The following CTNNA3 variants were observed in gnomAD, a reference collection of about 807,000 sequenced individuals.
CTNNA3 encodes the protein catenin alpha-3.
In CTNNA3, 76 loss-of-function variants were observed where a neutral mutation model predicts 95.7. That is an observed-to-expected ratio of 0.79 (90% CI 0.66 to 0.96). The LOEUF is 0.96. CTNNA3 is among the 40% of genes least tolerant of loss of function. The pLI is 0.00. For synonymous variants in CTNNA3, 431 were observed against 374.4 expected (o/e 1.15, Z -1.74); for missense variants, 1,191 against 1,089.8 (o/e 1.09, Z -1.31).
intron 7 of CTNNA3, among the ~76,000 whole-genome samples, chr10:67,091,997 A>T (rs1321950499): frequency 2.0e-5 from 3 of 152,010 alleles, no homozygotes; most frequent in Admixed American, 6.6e-5. Context: ...CTCAACTGAA[A>T]ACCCCTTAAG....
chr10:66,289,024 A>G (rs1446617563), intron 12 of CTNNA3, among the ~76,000 whole-genome samples: 4 of 152,040 alleles, frequency 2.6e-5, no homozygotes, highest in African/African-American at 4.8e-5. Flanking sequence ...TCTTTGCCAT[A>G]TTAATTGTGT....
intron 10 of CTNNA3, among the ~76,000 whole-genome samples, chr10:66,569,441 G>T (rs1842804281): frequency 6.6e-6 from 1 of 152,060 alleles, no homozygotes; most frequent in Non-Finnish European, 1.5e-5. Flanking sequence ...ATATGCAACA[G>T]ATATACTTTG....
chr10:66,271,838 C>G (rs1276553789), intron 13 of CTNNA3, among the ~76,000 whole-genome samples: 1 of 152,206 alleles, frequency 6.6e-6, no homozygotes, highest in Non-Finnish European at 1.5e-5. Flanking sequence ...GAACATCTTT[C>G]TCTCAGAATG....
At chr10:66,156,876 A>G (rs1255213132) in intron 13 of CTNNA3, among the ~76,000 whole-genome samples, 2 of 151,876 alleles carry the variant, frequency 1.3e-5, no homozygotes, top group Admixed American at 6.6e-5. Context: ...GGGATCATGT[A>G]TAATTTTGAA....
At chr10:67,728,195 T>C (rs567036771) in intron 1 of CTNNA3, among the ~76,000 whole-genome samples, 1 of 148,394 alleles carries the variant, frequency 6.7e-6, no homozygotes, top group African/African-American at 2.5e-5. Context: ...GGCTCACACC[T>C]GTAATCCTAG....
At chr10:67,067,120 T>C (rs933802906) in intron 7 of CTNNA3, among the ~76,000 whole-genome samples, 1 of 152,226 alleles carries the variant, frequency 6.6e-6, no homozygotes, top group Non-Finnish European at 1.5e-5. Context: ...AGTCATTATG[T>C]ATTCATAAAT....
intron 13 of CTNNA3, among the ~76,000 whole-genome samples, chr10:66,195,566 G>A (rs900232813): frequency 6.6e-6 from 1 of 152,170 alleles, no homozygotes; most frequent in Non-Finnish European, 1.5e-5. Context: ...TAATAAACCA[G>A]GTGCTGCAAC....
chr10:67,107,286 A>G (rs567266025), intron 7 of CTNNA3, among the ~76,000 whole-genome samples: 1 of 152,172 alleles, frequency 6.6e-6, no homozygotes, highest in South Asian at 2.1e-4. Context: ...GCAAGCCTAC[A>G]TATTTCCCAC....
At position 66,571,755 on chromosome 10, in the gene CTNNA3, A is replaced by G. The variant is rs1351420652; in HGVS notation, c.1374+49937T>C. 2.0e-5 allele frequency among the ~76,000 whole-genome samples: 3 copies of G among 152,144 alleles called. No homozygotes were observed. In the East Asian group the frequency reaches 5.8e-4, roughly 29 times the overall value. On this transcript the variant is annotated intron_variant, in intron 10 of 17. Coordinates refer to ENST00000433211, the MANE Select transcript of CTNNA3 (RefSeq NM_013266.4). ...CATTTAACCCCATAGCGACCTTGTT[A>G]ACAGTGAGATAAATCTGTAATGACC...
chr10:67,340,525 A>T (rs957592869), intron 5 of CTNNA3, among the ~76,000 whole-genome samples: 1 of 152,200 alleles, frequency 6.6e-6, no homozygotes, highest in African/African-American at 2.4e-5. Context: ...TTTACTTAAG[A>T]CTAACAGGCA....
chr10:66,670,149 G>T (rs1218808574), intron 9 of CTNNA3, among the ~76,000 whole-genome samples: 1 of 151,990 alleles, frequency 6.6e-6, no homozygotes, highest in African/African-American at 2.4e-5. Context: ...GTCCACTATG[G>T]GGGGGATACG....
At chr10:67,077,947 A>G (rs1856819248) in intron 7 of CTNNA3, among the ~76,000 whole-genome samples, 2 of 152,186 alleles carry the variant, frequency 1.3e-5, no homozygotes, top group Admixed American at 1.3e-4. Context: ...TAAGTGATTT[A>G]CAACACAAAT....
chr10:67,484,493 A>C (rs377689923), intron 5 of CTNNA3, among the ~76,000 whole-genome samples: 2 of 152,242 alleles, frequency 1.3e-5, no homozygotes, highest in African/African-American at 4.8e-5. Context: ...TGCAAAGGAA[A>C]TTATCAACAG....
At chr10:66,108,417 C>A (rs1050049128) in intron 13 of CTNNA3, among the ~76,000 whole-genome samples, 5 of 151,970 alleles carry the variant, frequency 3.3e-5, no homozygotes, top group African/African-American at 1.2e-4. Context: ...TTTCTATTTA[C>A]CCCTTCTTGC....
chr10:66,861,053 T>TA (rs1843902844), intron 7 of CTNNA3, among the ~76,000 whole-genome samples: 2 of 152,196 alleles, frequency 1.3e-5, no homozygotes, highest in African/African-American at 4.8e-5. Flanking sequence ...CATGTCTTCT[T>TA]AAACATTCAT....
intron 13 of CTNNA3, among the ~76,000 whole-genome samples, chr10:66,248,465 A>T (rs904842373): frequency 5.3e-5 from 8 of 152,028 alleles, no homozygotes; most frequent in African/African-American, 1.4e-4. Context: ...AATAGATTTT[A>T]AAAAACCCAC....
chr10:66,559,444 T>A (rs547437614), intron 10 of CTNNA3, among the ~76,000 whole-genome samples: 4 of 151,848 alleles, frequency 2.6e-5, no homozygotes, highest in Admixed American at 6.6e-5. Context: ...GCAGCTTTTT[T>A]AAATTGTATC....
At chr10:67,081,346 A>C (rs774943398) in intron 7 of CTNNA3, among the ~76,000 whole-genome samples, 23 of 152,218 alleles carry the variant, frequency 1.5e-4, no homozygotes, top group Non-Finnish European at 2.2e-4. Flanking sequence ...TTTTTCAATC[A>C]ATCAGTAGTA....
At chr10:67,145,280 T>A (rs1860785592) in intron 7 of CTNNA3, among the ~76,000 whole-genome samples, 1 of 152,062 alleles carries the variant, frequency 6.6e-6, no homozygotes, top group Admixed American at 6.6e-5. Context: ...CACAGAAACA[T>A]GAAATGAGTA....
Sources: allele counts gnomAD v4.1 joint callset (sites outside exome capture counted in the v4.1 genomes callset), GRCh38; gene constraint gnomAD v4.1.1; transcripts MANE v1.5; gene names NCBI Gene and HGNC (gene_info 2026-07-23, HGNC 2026-07-21).